GNA14: variants seen among roughly 807,000 people sequenced by gnomAD.
GNA14 encodes the protein G protein subunit alpha 14.
GNA14 carries 50 observed loss-of-function variants against 42.0 expected under a neutral mutation model. The ratio of observed to expected loss-of-function variants is 1.19; its 90% CI spans 0.95 to 1.51. The LOEUF (loss-of-function observed/expected upper bound fraction) is 1.51, where lower values mean the gene tolerates loss of function less well. GNA14 is among the 40% of genes most tolerant of loss of function. GNA14 has a pLI of 0.00. For synonymous variants in GNA14, 173 were observed against 163.1 expected (o/e 1.06, Z -0.46); for missense variants, 473 against 446.2 (o/e 1.06, Z -0.54).
At position 77,426,749 on chromosome 9, in the gene GNA14, G is replaced by A. The variant is rs79429092; in HGVS notation, c.724-1034C>T. ...TCCTAATTTACTGAGAACAGACAGG[G>A]CACAAACAAATCTTATCTGTGACAA... On this transcript the variant is annotated intron_variant, in intron 5 of 6. Coordinates refer to ENST00000341700, the MANE Select transcript of GNA14 (RefSeq NM_004297.4). Among the ~76,000 whole-genome samples, 960 of 152,312 alleles carry A rather than the reference G, an allele frequency of 6.3e-3. 3 individuals carry two copies. The highest frequency in any genetic ancestry group is 9.9e-3 in the Non-Finnish European group (671 of 68,032).
intron 1 of GNA14, among the ~76,000 whole-genome samples, chr9:77,608,225 C>CT (rs1231597858): frequency 9.2e-5 from 14 of 152,196 alleles, no homozygotes; most frequent in Admixed American, 4.6e-4. Flanking sequence ...CATGTCATCT[C>CT]TTTTTTCTGA....
intron 1 of GNA14, among the ~76,000 whole-genome samples, chr9:77,627,787 T>C (rs1005814121): frequency 6.6e-6 from 1 of 152,156 alleles, no homozygotes; most frequent in Non-Finnish European, 1.5e-5. Context: ...GCCAATATCA[T>C]ACTGAATGGG....
rs1444382176 is a variant in GNA14, at chr9:77,620,182, G to A, written c.124+27488C>T. On this transcript the variant is annotated intron_variant, in intron 1 of 6. Transcript: ENST00000341700. ...TCCACTATTGTTGAAGAGTTAACAC[G>A]GAAACTCAGGGCTGGAAGGATTTAG... Among the ~76,000 whole-genome samples the A allele has an allele frequency of 2.6e-5, 4 of 152,204 alleles. No homozygotes were observed. The East Asian group carries it at 7.7e-4, about 29-fold the overall frequency.
intron 1 of GNA14, among the ~76,000 whole-genome samples, chr9:77,603,979 A>C (rs1823611824): frequency 7.7e-6 from 1 of 129,262 alleles, no homozygotes; most frequent in Admixed American, 7.7e-5. Flanking sequence ...AAAAAAAAAA[A>C]AACACCTCTG....
intron 2 of GNA14, among the ~76,000 whole-genome samples, chr9:77,459,249 A>G (rs11145432): frequency 3.0e-5 from 1 of 33,070 alleles, no homozygotes. Context: ...GAAAAAAAAG[A>G]AAAAAAAGAA....
intron 1 of GNA14, among the ~76,000 whole-genome samples, chr9:77,547,756 A>G (rs2131779879): frequency 6.6e-6 from 1 of 152,346 alleles, no homozygotes; most frequent in South Asian, 2.1e-4. Context: ...CAGCTTCCTC[A>G]TCAAGTAAAT....
At chr9:77,535,498 G>T (rs1837583710) in intron 1 of GNA14, among the ~76,000 whole-genome samples, 1 of 152,108 alleles carries the variant, frequency 6.6e-6, no homozygotes, top group Non-Finnish European at 1.5e-5. Flanking sequence ...GAGCTGAGCC[G>T]AGATCGCGCC....
intron 1 of GNA14, among the ~76,000 whole-genome samples, chr9:77,570,461 G>T (rs889120694): frequency 2.0e-5 from 3 of 152,002 alleles, no homozygotes; most frequent in African/African-American, 7.3e-5. Flanking sequence ...GCCTATTCTG[G>T]GCATTTCATA....
At chr9:77,493,016 A>ATAT (rs1256212803) in intron 2 of GNA14, among the ~76,000 whole-genome samples, 13 of 91,622 alleles carry the variant, frequency 1.4e-4, no homozygotes, top group African/African-American at 4.2e-4. Context: ...AAAAAAAAAA[A>ATAT]AAAAAAAAAA....
At chr9:77,453,093 T>C (rs922673080) in intron 2 of GNA14, among the ~76,000 whole-genome samples, 4 of 152,102 alleles carry the variant, frequency 2.6e-5, no homozygotes, top group African/African-American at 7.2e-5. Context: ...TGAGCCATGA[T>C]TGCACCACTG....
At position 77,529,179 on chromosome 9, in the gene GNA14, C is replaced by CT. The variant is rs767078481; in HGVS notation, c.198dup (p.Asp67ArgfsTer34). ...ACCAGCTTCGTGAACCCCTTTCTGTCTTCGTCGCTGTAACCAGACCCATGG... is the reference window on the plus strand; with the variant it reads ...ACCAGCTTCGTGAACCCCTTTCTGTCTTTCGTCGCTGTAACCAGACCCATGG... On this transcript the variant is annotated frameshift_variant, in exon 2 of 7. Coordinates refer to ENST00000341700, the MANE Select transcript of GNA14 (RefSeq NM_004297.4). LOFTEE classifies it high-confidence loss of function. 2.5e-6 allele frequency: 4 copies of CT among 1,613,986 alleles called. No individual in the cohort carries two copies. The highest frequency in any genetic ancestry group is 3.4e-6 in the Non-Finnish European group (4 of 1,179,966).
intron 2 of GNA14, among the ~76,000 whole-genome samples, chr9:77,470,030 G>A (rs1357301122): frequency 6.6e-6 from 1 of 152,154 alleles, no homozygotes; most frequent in African/African-American, 2.4e-5. Flanking sequence ...TGACATCAGG[G>A]AAAAGGAGGA....
intron 2 of GNA14, among the ~76,000 whole-genome samples, chr9:77,486,556 C>G (rs1266610580): frequency 6.6e-6 from 1 of 152,214 alleles, no homozygotes; most frequent in Non-Finnish European, 1.5e-5. Context: ...TTGGCTGTCT[C>G]AGCTTTTTAC....
At chr9:77,535,989 T>C (rs1190588878) in intron 1 of GNA14, among the ~76,000 whole-genome samples, 2 of 152,028 alleles carry the variant, frequency 1.3e-5, no homozygotes, top group Non-Finnish European at 2.9e-5. Flanking sequence ...GAAAACATTT[T>C]TAAAGTGCCG....
intron 2 of GNA14, among the ~76,000 whole-genome samples, chr9:77,461,149 C>T (rs939947255): frequency 5.3e-5 from 8 of 152,176 alleles, no homozygotes; most frequent in African/African-American, 1.9e-4. Context: ...TCACCAGGCC[C>T]CCGCGGAGGG....
At chr9:77,500,657 C>A (rs149198288) in intron 2 of GNA14, among the ~76,000 whole-genome samples, 4 of 152,280 alleles carry the variant, frequency 2.6e-5, no homozygotes, top group Non-Finnish European at 4.4e-5. Context: ...TTCTCCCTTT[C>A]TGTAATTTTG....
At chr9:77,621,259 G>C (rs1271753006) in intron 1 of GNA14, among the ~76,000 whole-genome samples, 1 of 152,188 alleles carries the variant, frequency 6.6e-6, no homozygotes, top group Non-Finnish European at 1.5e-5. Context: ...AGAAATTTCA[G>C]ATGCTCAAAA....
chr9:77,479,243 C>T (rs1016829649), intron 2 of GNA14, among the ~76,000 whole-genome samples: 2 of 152,108 alleles, frequency 1.3e-5, no homozygotes, highest in African/African-American at 4.8e-5. Flanking sequence ...CTACATATGG[C>T]GAGCCAGTTT....
At chr9:77,535,413 G>A (rs566896102) in intron 1 of GNA14, among the ~76,000 whole-genome samples, 1 of 152,216 alleles carries the variant, frequency 6.6e-6, no homozygotes, top group South Asian at 2.1e-4. Context: ...GTGTGGTGGC[G>A]GGCGCCTGTA....
Sources: gnomAD v4.1 joint callset for allele counts (sites outside exome capture counted in the v4.1 genomes callset) on GRCh38, gnomAD v4.1.1 for gene constraint, MANE v1.5 for transcripts, NCBI Gene and HGNC (gene_info 2026-07-23, HGNC 2026-07-21) for gene names.